Variants in SAGE1 observed in about 807,000 individuals in gnomAD.
SAGE1 encodes cancer/testis antigen 14.
In SAGE1, 55 loss-of-function variants were observed where a neutral mutation model predicts 55.4. That is an observed-to-expected ratio of 0.99 (90% confidence interval 0.80 to 1.24). The LOEUF (loss-of-function observed/expected upper bound fraction) is 1.24, where lower values mean the gene tolerates loss of function less well. Ranked by LOEUF, SAGE1 falls within the 50% of genes most tolerant of loss-of-function variation. SAGE1 has a pLI of 0.00. For missense variants in SAGE1, 710 were observed against 704.4 expected, an observed-to-expected ratio of 1.01 and a Z score of -0.09; for synonymous variants, 240 against 244.3, an observed-to-expected ratio of 0.98 and a Z score of 0.17.
chrX:135,900,588 A>G (rs2088658096), intron 2 of SAGE1, among the ~76,000 whole-genome samples: 1 of 110,687 alleles, frequency 9.0e-6, no homozygotes, highest in African/African-American at 3.3e-5. Flanking sequence ...TGGTACCTCT[A>G]GTAGGCAGGA....
chrX:135,896,347 A>G lies in SAGE1; in HGVS notation c.87+18A>G, dbSNP rs2088584407. The G allele has an allele frequency of 9.4e-7, 1 of 1,059,168 alleles. No homozygotes were observed. The highest frequency in any genetic ancestry group is 1.9e-5 in the South Asian group (1 of 52,497). The allele number at this position is 1,059,168 out of a possible 1,213,427, so 87.3% of individuals were successfully genotyped here. ...ATGGGCAGGTAAGATAACTCTTTCT[A>G]TTTCTGCCCTAATTGTGACATTCTT... On this transcript the variant is annotated intron_variant, in intron 2 of 19. Coordinates refer to ENST00000370709, the MANE Select transcript of SAGE1 (RefSeq NM_001381902.1).
At position 135,911,335 on chromosome X, in the gene SAGE1, A is replaced by T. The variant is rs376257661; in HGVS notation, c.2146+3A>T. 33 of 1,204,327 alleles carry T rather than the reference A, an allele frequency of 2.7e-5. No homozygotes were observed. The highest frequency in any genetic ancestry group is 3.4e-5 in the Non-Finnish European group (30 of 890,220). ...ATGCAGAAGTACCAGGGATCTGTGTATGTTTGTGTATTGGTTGTACTGTCC... is the reference window on the plus strand; with the variant it reads ...ATGCAGAAGTACCAGGGATCTGTGTTTGTTTGTGTATTGGTTGTACTGTCC... On this transcript the variant is annotated splice_donor_region_variant and intron_variant, in intron 17 of 19. Transcript: ENST00000370709.
chrX:135,894,311 A>G (rs1336067946), intron 1 of SAGE1, among the ~76,000 whole-genome samples: 14 of 112,798 alleles, frequency 1.2e-4, no homozygotes, highest in African/African-American at 4.5e-4. Flanking sequence ...ACCTCAGGTG[A>G]TCCGCCCGCC....
chrX:135,906,143 G>A lies in SAGE1; in HGVS notation c.574G>A (p.Ala192Thr). 3 of 1,199,938 alleles carry A rather than the reference G, an allele frequency of 2.5e-6. No individual in the cohort carries two copies. Among genetic ancestry groups the A allele is most frequent in the Non-Finnish European group, 1.1e-6 (1 of 889,281 alleles). ...LINMAATPIP[A>T]MSARDLYATV... ...TAATATGGCAGCAACTCCTATTCCA[G>A]CCATGAGTGCCAGAGATCTCTGTAT... Residue 192 changes from alanine (A) to threonine (T), a missense_variant, in exon 6 of 20, where the codon GCC becomes ACC. Transcript: ENST00000370709.
chrX:135,907,261 G>T (rs1409783868), intron 8 of SAGE1, 52 bp from the exon 9 acceptor site: 19 of 1,162,241 alleles, frequency 1.6e-5, no homozygotes, highest in Admixed American at 2.3e-5. Context: ...TATACCTGTG[G>T]GGCTGACATA....
rs782332921 is a variant in SAGE1, at chrX:135,912,289, T to G, written c.2522-32T>G. ...TTGAGGTATATTTCATTTTTGTAAT[T>G]GTAGAAATACTAATTTTTAAAATAT... On this transcript the variant is annotated intron_variant, in intron 18 of 19. Transcript: ENST00000370709. 3 of 1,179,461 alleles carry G rather than the reference T, an allele frequency of 2.5e-6. No homozygotes were observed. The Admixed American group carries it at 7.7e-5, about 30-fold the overall frequency.
chrX:135,906,574 C>T (rs1556601391), intron 7 of SAGE1, 23 bp downstream of exon 7: 1 of 726,368 alleles, frequency 1.4e-6, no homozygotes, highest in Non-Finnish European at 2.1e-6. Flanking sequence ...ATTTGTATTA[C>T]TGTCCTACTT....
intron 2 of SAGE1, among the ~76,000 whole-genome samples, chrX:135,896,654 G>A (rs2088591682): frequency 1.9e-5 from 2 of 108,034 alleles, no homozygotes. Context: ...CACTTCCCGG[G>A]TTCAAGTGAT....
At chrX:135,900,917 T>C (rs1240610491) in intron 2 of SAGE1, among the ~76,000 whole-genome samples, 1 of 109,052 alleles carries the variant, frequency 9.2e-6, no homozygotes, top group Non-Finnish European at 1.9e-5. Context: ...GAGGCCGAGG[T>C]GGGAGGATCA....
intron 2 of SAGE1, among the ~76,000 whole-genome samples, chrX:135,897,866 C>T (rs1290670345): frequency 9.1e-6 from 1 of 110,379 alleles, no homozygotes; most frequent in Non-Finnish European, 1.9e-5. Context: ...TGTTGCCCTG[C>T]CCGACGTGTC....
At position 135,908,681 on chromosome X, in the gene SAGE1, G is replaced by A. The variant is rs782172200; in HGVS notation, c.1441+64G>A. 1.1e-5 allele frequency: 12 copies of A among 1,092,356 alleles called. No homozygotes were observed. In the East Asian group the frequency reaches 3.6e-4, roughly 33 times the overall value. The allele number at this position is 1,092,356 out of a possible 1,213,427, so 90.0% of individuals were successfully genotyped here. A position where few individuals can be genotyped will look rare whatever the true frequency, so the allele number is the denominator to read the frequency against. On this transcript the variant is annotated intron_variant, in intron 12 of 19. Transcript: ENST00000370709. ...CCATATGCATGCATAGTGTCATGAA[G>A]GGAAGAAGGTTGTTTTGTGAATTAT...
In SAGE1 at chrX:135,908,570, T is replaced by G; in HGVS notation, c.1394T>G (p.Ile465Ser). Residue 465 changes from isoleucine (I) to serine (S), a missense_variant, in exon 12 of 20, where the codon ATT (isoleucine) becomes AGT (serine). Transcript: ENST00000370709. ...TTGTCAAATGTTCTATCCGGGCTTA[T>G]TAATATGGCAGGAGCTAGTATTCCA... is the stretch of plus-strand genomic sequence containing the variant. Reference protein sequence around the residue: ...NVLSNVLSGLINMAGASIPAM... With the variant: ...NVLSNVLSGLSNMAGASIPAM... The G allele has an allele frequency of 8.3e-7, 1 of 1,207,166 alleles. No individual in the cohort carries two copies. Among genetic ancestry groups the G allele is most frequent in the Non-Finnish European group, 1.1e-6 (1 of 893,362 alleles).
At chrX:135,907,633 A>G (rs2088819610) in intron 9 of SAGE1, 68 bp from the exon 10 acceptor site, 1 of 1,119,169 alleles carries the variant, frequency 8.9e-7, no homozygotes, top group Non-Finnish European at 1.2e-6. Context: ...TGAGCATCAG[A>G]GGGATATACC....
chrX:135,907,588 T>C, intron 9 of SAGE1, 113 bp from the exon 10 acceptor site: 1 of 1,003,362 alleles, frequency 1.0e-6, no homozygotes, highest in Non-Finnish European at 1.4e-6. Context: ...TCACTTGCTG[T>C]ATCCTCCTGC....
chrX:135,907,565 G>A (rs2088818845), intron 9 of SAGE1, 112 bp downstream of exon 9: 10 of 957,406 alleles, frequency 1.0e-5, no homozygotes, highest in Non-Finnish European at 1.5e-5. Flanking sequence ...TCAATCTGAG[G>A]TGTCTCAGAT....
At chrX:135,903,155 G>A (rs782061253) in intron 3 of SAGE1, among the ~76,000 whole-genome samples, 9 of 111,287 alleles carry the variant, frequency 8.1e-5, no homozygotes, top group Admixed American at 6.7e-4. Flanking sequence ...TGTAGTGCCC[G>A]GTCCATCCCC....
At chrX:135,902,491 G>A (rs1440371253) in intron 3 of SAGE1, among the ~76,000 whole-genome samples, 1 of 112,333 alleles carries the variant, frequency 8.9e-6, no homozygotes, top group Non-Finnish European at 1.9e-5. Flanking sequence ...CATCCACAAA[G>A]GTGTAACAAC....
intron 3 of SAGE1, among the ~76,000 whole-genome samples, chrX:135,903,149 G>A (rs185980134): frequency 2.7e-5 from 3 of 111,444 alleles, no homozygotes; most frequent in African/African-American, 9.8e-5. Context: ...CACCTCTGTA[G>A]TGCCCGGTCC....
Position 135,912,808 on chromosome X carries a change from G to C in SAGE1, c.2626G>C (p.Val876Leu). Reference sequence around the variant, plus strand: ...CCTCTTTAATTTCAGGTTTAAAAAAGTTGTCTTAATTCAGCAACTCGAGAA... The same window carrying C: ...CCTCTTTAATTTCAGGTTTAAAAAACTTGTCTTAATTCAGCAACTCGAGAA... ...TIKEAARFKK[V>L]VLIQQLEKAL... Residue 876 changes from valine (V) to leucine (L), a missense_variant, in exon 20 of 20, where the codon GTT becomes CTT. Transcript: ENST00000370709. 1 of 1,209,664 alleles carries C rather than the reference G, an allele frequency of 8.3e-7. No homozygotes were observed. The highest frequency in any genetic ancestry group is 1.8e-5 in the South Asian group (1 of 56,652).
Sources: gnomAD v4.1 joint callset for allele counts (sites outside exome capture counted in the v4.1 genomes callset) on GRCh38, gnomAD v4.1.1 for gene constraint, MANE v1.5 for transcripts, NCBI Gene and HGNC (gene_info 2026-07-23, HGNC 2026-07-21) for gene names.